The following REX1BD variants were observed in gnomAD, a reference collection of about 807,000 sequenced individuals.
REX1BD encodes required for excision 1-B domain containing.
Under a neutral mutation model 24.4 loss-of-function variants are expected in REX1BD, and 22 were observed. The ratio of observed to expected loss-of-function variants is 0.90; its 90% CI spans 0.64 to 1.29. The LOEUF (loss-of-function observed/expected upper bound fraction) is 1.29, where lower values mean the gene tolerates loss of function less well. REX1BD is among the 50% of genes most tolerant of loss of function. REX1BD has a pLI of 0.00. For missense variants in REX1BD, 293 were observed against 285.3 expected (o/e 1.03, Z -0.19); for synonymous variants, 146 against 125.9 (o/e 1.16, Z -1.07).
rs766369158 is a variant in REX1BD at position 18,589,011 on chromosome 19, G to A, written c.116G>A (p.Arg39Gln). The A allele has an allele frequency of 3.9e-6, 6 of 1,527,440 alleles. No homozygotes were observed. Among genetic ancestry groups the A allele is most frequent in the African/African-American group, 1.4e-5 (1 of 72,556 alleles). The allele number at this position is 1,527,440 out of a possible 1,614,324, so 94.6% of individuals were successfully genotyped here. Residue 39 changes from arginine to glutamine, a missense_variant, in exon 2 of 5, where the codon CGG (arginine) becomes CAG (glutamine). Transcript: ENST00000358607. ...GTCCCGCAGAAAGACGCCCCGATCCGGACGCTGGTGCAGCGCATCCACCAG... is the reference window on the plus strand; with the variant it reads ...GTCCCGCAGAAAGACGCCCCGATCCAGACGCTGGTGCAGCGCATCCACCAG... Reference protein sequence around the residue: ...PAWPWKDAPIRTLVQRIHQLQ... With the variant: ...PAWPWKDAPIQTLVQRIHQLQ...
At position 18,589,464 on chromosome 19, in the gene REX1BD, C is replaced by T; in HGVS notation, c.234C>T (p.Val78=). 6.4e-7 allele frequency: 1 copy of T among 1,557,404 alleles called. No individual in the cohort carries two copies. The highest frequency in any genetic ancestry group is 8.7e-7 in the Non-Finnish European group (1 of 1,151,926). The stretch of plus-strand genomic sequence containing the variant: ...GAGCCTGGGGGCGCGGCCTCAGGGT[C>T]CCCACATGCCGCAGAGGCCACCGCC... ...GLRAWGRGLR[V]PTCRRGHRQY... The change falls in exon 3 of 5, where the codon GTC becomes GTT. Residue 78 remains valine, a synonymous_variant. Transcript: ENST00000358607.
chr19:18,591,426 GC>G (rs1463408931), intron 4 of REX1BD: 1 of 151,864 alleles, frequency 6.6e-6, no homozygotes, highest in Non-Finnish European at 1.5e-5. Flanking sequence ...TGATTCCCCT[GC>G]CTCAGCCTCC....
chr19:18,591,791 C>T (rs962958931), intron 4 of REX1BD: 19 of 349,910 alleles, frequency 5.4e-5, no homozygotes, highest in African/African-American at 2.7e-4. Flanking sequence ...GACGGGGATT[C>T]GCCATGTTGG....
chr19:18,590,812 T>G (rs1211897549), intron 3 of REX1BD, 42 bp from the exon 4 acceptor site: 5 of 1,565,228 alleles, frequency 3.2e-6, no homozygotes, highest in Non-Finnish European at 3.5e-6. Context: ...GGGTGGGTTC[T>G]GCTCGTGGAG....
chr19:18,591,264 A>G (rs1030676409), intron 4 of REX1BD: 2 of 226,382 alleles, frequency 8.8e-6, no homozygotes, highest in Non-Finnish European at 1.7e-5. Context: ...ACATTTGACA[A>G]AGTCACACTT....
At chr19:18,590,791 TG>T in intron 3 of REX1BD, 62 bp from the exon 4 acceptor site, 4 of 1,507,454 alleles carry the variant, frequency 2.7e-6, no homozygotes, top group Non-Finnish European at 3.6e-6. Flanking sequence ...TGAACATCCT[TG>T]GAGGGCAGGG....
Position 18,590,919 on chromosome 19 carries a change from G to A in REX1BD, c.519G>A (p.Gln173=), listed in dbSNP as rs1388240132. 6.3e-7 allele frequency: 1 copy of A among 1,589,778 alleles called. No homozygotes were observed. Among genetic ancestry groups the A allele is most frequent in the Non-Finnish European group, 8.6e-7 (1 of 1,168,902 alleles). ...GGCAGGAGGACGCTGTACGGATGCA[G>A]CAGCTGAAAATGAAGTGAGCGCTGC... ...LAGQEDAVRM[Q]QLKMKVIKTM... is the part of the protein sequence containing the mutation. The change falls in exon 4 of 5, where the codon CAG becomes CAA. Residue 173 remains glutamine, a synonymous_variant. Coordinates refer to ENST00000358607, the MANE Select transcript of REX1BD (RefSeq NM_001100418.2).
At chr19:18,589,977 C>T (rs1156859431) in intron 3 of REX1BD, 1 of 416,356 alleles carries the variant, frequency 2.4e-6, no homozygotes, top group Non-Finnish European at 4.2e-6. Flanking sequence ...CAATGCTCCA[C>T]CCACTCTGGT....
In REX1BD at chr19:18,589,424, CGG is replaced by C; in HGVS notation, c.195_196del (p.Val66AlafsTer28). 1 of 1,559,966 alleles carries C rather than the reference CGG, an allele frequency of 6.4e-7. No homozygotes were observed. The highest frequency in any genetic ancestry group is 8.7e-7 in the Non-Finnish European group (1 of 1,152,522). On this transcript the variant is annotated frameshift_variant, in exon 3 of 5. Coordinates refer to ENST00000358607, the MANE Select transcript of REX1BD (RefSeq NM_001100418.2). LOFTEE classifies it high-confidence loss of function. ...TGGGGGCCTTTCAGGTGGTTGGCGC[CGG>C]TGCAGGGCCTGAGAGCCTGGGGGCG...
At chr19:18,589,266 C>T (rs1192178106) in intron 2 of REX1BD, 147 bp from the exon 3 acceptor site, 2 of 1,536,468 alleles carry the variant, frequency 1.3e-6, no homozygotes, top group East Asian at 2.4e-5. Flanking sequence ...CCCCACTACC[C>T]GACGACTCAC....
In REX1BD at chr19:18,590,824, C is replaced by T. The variant is rs753029084; in HGVS notation, c.454-30C>T. The T allele has an allele frequency of 3.2e-6, 5 of 1,585,232 alleles. No individual in the cohort carries two copies. The South Asian group carries it at 5.7e-5, about 18-fold the overall frequency. ...AGGGGGTGGGTTCTGCTCGTGGAGA[C>T]ATCCTTCGTGTTGCTCATTCCCCCA... On this transcript the variant is annotated intron_variant, in intron 3 of 4. Transcript: ENST00000358607.
At position 18,592,208 on chromosome 19, in the gene REX1BD, G is replaced by A. The variant is rs781201527; in HGVS notation, c.*28G>A. On this transcript the variant is annotated 3_prime_UTR_variant, in exon 5 of 5. Transcript: ENST00000358607. Reference sequence around the variant, plus strand: ...GCGGCTCCCCAGGGATGCGCCGAGGGAGATGGGAAACGGGGCGGATGGCGC... The same window carrying A: ...GCGGCTCCCCAGGGATGCGCCGAGGAAGATGGGAAACGGGGCGGATGGCGC... 6.2e-7 allele frequency: 1 copy of A among 1,613,686 alleles called. No individual in the cohort carries two copies. Among genetic ancestry groups the A allele is most frequent in the East Asian group, 2.2e-5 (1 of 44,886 alleles).
chr19:18,590,010 C>T (rs1017720302), intron 3 of REX1BD: 8 of 335,934 alleles, frequency 2.4e-5, no homozygotes, highest in Admixed American at 4.7e-5. Context: ...AGGGTCCCAC[C>T]CTCAACCTCC....
intron 4 of REX1BD, chr19:18,591,835 T>G (rs980756552): frequency 2.4e-4 from 112 of 467,496 alleles, no homozygotes; most frequent in Non-Finnish European, 4.2e-4. Flanking sequence ...CCTCAGGTGA[T>G]CTGCCTGCCT....
At chr19:18,589,337 G>A (rs1249257731) in intron 2 of REX1BD, 76 bp from the exon 3 acceptor site, 2 of 1,548,232 alleles carry the variant, frequency 1.3e-6, no homozygotes, top group South Asian at 2.4e-5. Flanking sequence ...GTTCCCCTGC[G>A]GGAGTCAGGA....
intron 3 of REX1BD, 99 bp from the exon 4 acceptor site, chr19:18,590,755 C>A (rs2145320604): frequency 1.7e-6 from 2 of 1,202,402 alleles, no homozygotes; most frequent in South Asian, 1.4e-5. Flanking sequence ...CCGGGCACTG[C>A]CTTTCTGGGT....
intron 4 of REX1BD, chr19:18,591,767 G>A (rs1004043498): frequency 7.1e-6 from 2 of 283,628 alleles, no homozygotes; most frequent in Non-Finnish European, 6.8e-6. Context: ...GCTAATTCTT[G>A]TATTTTTAGT....
chr19:18,589,278 C>G, intron 2 of REX1BD, 135 bp from the exon 3 acceptor site: 1 of 1,538,228 alleles, frequency 6.5e-7, no homozygotes, highest in Non-Finnish European at 8.7e-7. Context: ...ACGACTCACT[C>G]TTCGTGGCTT....
chr19:18,592,277 T>C lies in REX1BD; in HGVS notation c.*97T>C. 1 of 1,354,270 alleles carries C rather than the reference T, an allele frequency of 7.4e-7. No individual in the cohort carries two copies. The highest frequency in any genetic ancestry group is 1.0e-6 in the Non-Finnish European group (1 of 953,514). 83.9% of individuals were successfully genotyped at this position (1,354,270 alleles called of 1,614,324 possible). On this transcript the variant is annotated 3_prime_UTR_variant, in exon 5 of 5. Transcript: ENST00000358607. The stretch of plus-strand genomic sequence containing the variant: ...CCAGCTGGCTGGGGTTGCGCCCCAC[T>C]GCGCTGCTGACCTTCCTGCAGTTCC...
Sources: allele counts gnomAD v4.1 joint callset, GRCh38; gene constraint gnomAD v4.1.1; transcripts MANE v1.5; gene names NCBI Gene and HGNC (gene_info 2026-07-23, HGNC 2026-07-21).